PADI2: variants seen among roughly 807,000 people sequenced by gnomAD.
PADI2 encodes the protein protein-arginine deiminase type-2.
A neutral mutation model predicts 81.1 loss-of-function variants in PADI2; 70 were observed. That is an observed-to-expected ratio of 0.86 (90% CI 0.71 to 1.05). PADI2 has a LOEUF of 1.05. Among genes scored for constraint, PADI2 ranks in the 50% least tolerant of loss-of-function variants. PADI2 has a pLI of 0.00. For missense variants in PADI2, 853 were observed against 889.9 expected (o/e 0.96, Z 0.53); for synonymous variants, 338 against 358.0 (o/e 0.94, Z 0.63).
intron 9 of PADI2, 182 bp from the exon 10 acceptor site, chr1:17,082,834 C>T (rs2078354972): frequency 3.8e-6 from 2 of 526,886 alleles, no homozygotes; most frequent in Non-Finnish European, 6.7e-6. Flanking sequence ...CATAGGCAGT[C>T]TCTGCACATC....
intron 1 of PADI2, among the ~76,000 whole-genome samples, chr1:17,118,319 C>T (rs1035969046): frequency 1.6e-4 from 24 of 152,126 alleles, no homozygotes; most frequent in African/African-American, 5.6e-4. Context: ...CAGCACTGAC[C>T]CCTCCAACCC....
At chr1:17,071,276 G>A (rs1224012622) in intron 14 of PADI2, 130 bp downstream of exon 14, 6 of 651,734 alleles carry the variant, frequency 9.2e-6, no homozygotes, top group Non-Finnish European at 1.4e-5. Context: ...GCTCTTCCCT[G>A]TGCTGCTGTG....
At chr1:17,095,869 C>A (rs1425846056) in intron 4 of PADI2, 40 bp downstream of exon 4, 2 of 1,546,900 alleles carry the variant, frequency 1.3e-6, no homozygotes, top group East Asian at 2.3e-5. Flanking sequence ...CCCTCGGAAG[C>A]CCTGGGTTCA....
intron 3 of PADI2, among the ~76,000 whole-genome samples, chr1:17,100,182 A>G (rs1931092870): frequency 6.6e-6 from 1 of 152,244 alleles, no homozygotes; most frequent in Admixed American, 6.5e-5. Context: ...CCCCAAGGGA[A>G]ACCAGATTTT....
chr1:17,086,386 C>T (rs1301611900), intron 7 of PADI2, 135 bp downstream of exon 7: 58 of 662,332 alleles, frequency 8.8e-5, no homozygotes, highest in Non-Finnish European at 1.3e-4. Context: ...TGGGGGGCAT[C>T]GAGGTCTCCT....
chr1:17,068,952 C>G lies in PADI2; in HGVS notation c.*92G>C. 1.0e-6 allele frequency: 1 copy of G among 994,970 alleles called. No homozygotes were observed. Among genetic ancestry groups the G allele is most frequent in the Non-Finnish European group, 1.6e-6 (1 of 626,130 alleles). 61.6% of individuals were successfully genotyped at this position (994,970 alleles called of 1,614,324 possible). A position where few individuals can be genotyped will look rare whatever the true frequency, so the allele number is the denominator to read the frequency against. On this transcript the variant is annotated 3_prime_UTR_variant, in exon 16 of 16. Coordinates refer to ENST00000375486, the MANE Select transcript of PADI2 (RefSeq NM_007365.3). Reference sequence around the variant, plus strand: ...ACGTCCCAAAGGTCTCCCAGCGGGGCTGTCCAGTCCATGTCAGCAGAAGGC... The same window carrying G: ...ACGTCCCAAAGGTCTCCCAGCGGGGGTGTCCAGTCCATGTCAGCAGAAGGC...
Position 17,071,473 on chromosome 1 carries a change from C to T in PADI2, c.1568G>A (p.Ser523Asn). 6.2e-7 allele frequency: 1 copy of T among 1,613,986 alleles called. No homozygotes were observed. The highest frequency in any genetic ancestry group is 1.7e-5 in the Admixed American group (1 of 60,030). Residue 523 changes from serine (S) to asparagine (N), a missense_variant, in exon 14 of 16, where the codon AGC becomes AAC. Ser to Asn is a conservative substitution (Grantham distance 46). Coordinates refer to ENST00000375486, the MANE Select transcript of PADI2 (RefSeq NM_007365.3). The part of the protein sequence containing the change: ...IMFKGLGGMS[S>N]KRITINKILS... Reference sequence around the variant, plus strand: ...AATCTTGTTGATGGTGATTCGCTTGCTGCTCATCCCACCCAAGCCTGTGGG... The same window carrying T: ...AATCTTGTTGATGGTGATTCGCTTGTTGCTCATCCCACCCAAGCCTGTGGG...
chr1:17,077,447 C>T (rs1184962365), intron 11 of PADI2, among the ~76,000 whole-genome samples: 1 of 152,142 alleles, frequency 6.6e-6, no homozygotes, highest in East Asian at 1.9e-4. Flanking sequence ...CCCCTGAGCT[C>T]CTCGAGGGGG....
In PADI2 at chr1:17,092,526, C is replaced by A; in HGVS notation, c.537G>T (p.Lys179Asn). ...TCCGCAGGATCATCTGGGACATGTCCTTGAGATCTGAGGGACAGAAGGTGA... is the reference window on the plus strand; with the variant it reads ...TCCGCAGGATCATCTGGGACATGTCATTGAGATCTGAGGGACAGAAGGTGA... Reference protein sequence around the residue: ...DEKVYSKEDLKDMSQMILRTK... With the variant: ...DEKVYSKEDLNDMSQMILRTK... Residue 179 changes from lysine to asparagine, a missense_variant, in exon 6 of 16, where the codon AAG becomes AAT. Physicochemically the swap from Lys to Asn is moderately conservative, Grantham distance 94. Coordinates refer to ENST00000375486, the MANE Select transcript of PADI2 (RefSeq NM_007365.3). 1 of 1,594,454 alleles carries A rather than the reference C, an allele frequency of 6.3e-7. No homozygotes were observed.
At chr1:17,103,190 C>T in intron 2 of PADI2, 131 bp from the exon 3 acceptor site, 2 of 677,710 alleles carry the variant, frequency 3.0e-6, no homozygotes, top group South Asian at 1.7e-5. Context: ...CATCAGAACC[C>T]TCTCCTCCAG....
intron 14 of PADI2, 58 bp downstream of exon 14, chr1:17,071,348 G>T: frequency 7.7e-7 from 1 of 1,293,994 alleles, no homozygotes; most frequent in Admixed American, 1.7e-5. Context: ...GGATGTAAGG[G>T]CCTGAGCCTC....
chr1:17,112,450 G>A (rs1003788952), intron 1 of PADI2, among the ~76,000 whole-genome samples: 2 of 152,096 alleles, frequency 1.3e-5, no homozygotes, highest in African/African-American at 4.8e-5. Flanking sequence ...ACCAGCTGGG[G>A]CTCATCCCCA....
chr1:17,069,969 C>A (rs1042479223), intron 15 of PADI2, 119 bp downstream of exon 15: 27 of 1,174,552 alleles, frequency 2.3e-5, no homozygotes, highest in Non-Finnish European at 3.1e-5. Context: ...GGTCACACAG[C>A]AGCTCAGCCA....
intron 3 of PADI2, 37 bp from the exon 4 acceptor site, chr1:17,096,007 C>G: frequency 6.4e-7 from 1 of 1,553,694 alleles, no homozygotes; most frequent in Non-Finnish European, 8.8e-7. Flanking sequence ...GCTGAGCCTG[C>G]CAGGCAGGGC....
intron 6 of PADI2, among the ~76,000 whole-genome samples, chr1:17,091,980 T>C (rs1930714818): frequency 6.6e-6 from 1 of 152,070 alleles, no homozygotes; most frequent in Non-Finnish European, 1.5e-5. Flanking sequence ...GCCCAGGACA[T>C]CTGTTGCCAT....
At position 17,091,311 on chromosome 1, in the gene PADI2, C is replaced by T. The variant is rs192316871; in HGVS notation, c.655+1097G>A. 4.7e-4 allele frequency among the ~76,000 whole-genome samples: 70 copies of T among 149,882 alleles called. 2 individuals are homozygous for T. Among genetic ancestry groups the T allele is most frequent in the Admixed American group, 4.6e-3 (68 of 14,892 alleles). ...CCTAGGCAGCTGGGCATGCAGAAGC[C>T]TCCTCCCGCCACCCCACGACCCGCC... On this transcript the variant is annotated intron_variant, in intron 6 of 15. Coordinates refer to ENST00000375486, the MANE Select transcript of PADI2 (RefSeq NM_007365.3).
intron 8 of PADI2, among the ~76,000 whole-genome samples, chr1:17,084,045 A>T (rs2078367012): frequency 6.6e-6 from 1 of 152,170 alleles, no homozygotes; most frequent in Admixed American, 6.5e-5. Flanking sequence ...CAAGGTCATG[A>T]ACAAATAAAA....
intron 8 of PADI2, 137 bp from the exon 9 acceptor site, chr1:17,083,974 C>T (rs2078366593): frequency 1.6e-6 from 1 of 623,598 alleles, no homozygotes; most frequent in Non-Finnish European, 2.9e-6. Context: ...CTCACGGCCA[C>T]CTTTATAAAG....
intron 13 of PADI2, among the ~76,000 whole-genome samples, chr1:17,073,770 G>GA (rs1430754250): frequency 1.3e-5 from 2 of 151,632 alleles, no homozygotes; most frequent in African/African-American, 2.4e-5. Context: ...AGTTGAAAAA[G>GA]AAAAAAAAGA....
Sources: allele counts gnomAD v4.1 joint callset (sites outside exome capture counted in the v4.1 genomes callset), GRCh38; gene constraint gnomAD v4.1.1; transcripts MANE v1.5; gene names NCBI Gene and HGNC (gene_info 2026-07-23, HGNC 2026-07-21).